GRB2: variants seen among roughly 807,000 people sequenced by gnomAD.
GRB2 encodes growth factor receptor-bound protein 2.
GRB2 carries 2 observed loss-of-function variants against 27.4 expected under a neutral mutation model. That is an observed-to-expected ratio of 0.07 (90% CI 0.03 to 0.23). The LOEUF (loss-of-function observed/expected upper bound fraction) is 0.23. Among genes scored for constraint, GRB2 ranks in the 10% least tolerant of loss-of-function variants. GRB2 has a pLI of 1.00. For missense variants in GRB2, 102 were observed against 282.4 expected (o/e 0.36, Z 4.58); for synonymous variants, 94 against 99.6 (o/e 0.94, Z 0.33).
intron 4 of GRB2, among the ~76,000 whole-genome samples, chr17:75,323,676 G>A (rs993344699): frequency 2.0e-5 from 3 of 152,188 alleles, no homozygotes; most frequent in Non-Finnish European, 2.9e-5. Flanking sequence ...AGCCGAGCAC[G>A]TGGCTGCCCC....
chr17:75,382,000 G>A (rs1419396930), intron 2 of GRB2, among the ~76,000 whole-genome samples: 1 of 151,924 alleles, frequency 6.6e-6, no homozygotes, highest in East Asian at 1.9e-4. Context: ...TGAGGCGGGT[G>A]GATCACAGGG....
chr17:75,328,614 C>T (rs1222808908), intron 3 of GRB2, among the ~76,000 whole-genome samples: 1 of 151,382 alleles, frequency 6.6e-6, no homozygotes, highest in Non-Finnish European at 1.5e-5. Flanking sequence ...TGCACTCCAG[C>T]CTGGGCAACA....
intron 2 of GRB2, among the ~76,000 whole-genome samples, chr17:75,360,247 T>G (rs983132130): frequency 1.4e-4 from 20 of 142,246 alleles, no homozygotes; most frequent in African/African-American, 2.4e-4. Context: ...ATAACTTAAA[T>G]CTCAAAAATA....
At chr17:75,404,000 C>T (rs2079081177) in intron 1 of GRB2, among the ~76,000 whole-genome samples, 1 of 151,652 alleles carries the variant, frequency 6.6e-6, no homozygotes, top group African/African-American at 2.4e-5. Flanking sequence ...GTGATCCCAG[C>T]TACTCGGGAG....
At chr17:75,343,206 C>T (rs553980106) in intron 2 of GRB2, among the ~76,000 whole-genome samples, 22 of 152,076 alleles carry the variant, frequency 1.4e-4, no homozygotes, top group African/African-American at 4.1e-4. Context: ...CAGGATGGAG[C>T]GCTTCCTGGC....
intron 2 of GRB2, among the ~76,000 whole-genome samples, chr17:75,358,633 G>C (rs1303226806): frequency 6.7e-6 from 1 of 149,310 alleles, no homozygotes; most frequent in East Asian, 2.0e-4. Flanking sequence ...GGGAGGCTGA[G>C]GCAGGCGGAT....
intron 2 of GRB2, among the ~76,000 whole-genome samples, chr17:75,387,089 A>C (rs532866740): frequency 2.6e-5 from 4 of 151,558 alleles, no homozygotes; most frequent in Non-Finnish European, 5.9e-5. Context: ...TGAACCCAGG[A>C]GGCGGAGCTT....
chr17:75,401,502 G>A (rs1371389026), intron 1 of GRB2, among the ~76,000 whole-genome samples: 1 of 149,188 alleles, frequency 6.7e-6, no homozygotes, highest in Non-Finnish European at 1.5e-5. Context: ...CTGCTAGCGA[G>A]ATCACAGAAC....
chr17:75,348,617 G>T (rs181828022), intron 2 of GRB2, among the ~76,000 whole-genome samples: 2 of 152,178 alleles, frequency 1.3e-5, no homozygotes, highest in African/African-American at 2.4e-5. Flanking sequence ...GTAAAAAAGT[G>T]AGATAAGGGA....
intron 2 of GRB2, among the ~76,000 whole-genome samples, chr17:75,384,541 A>G (rs1451314895): frequency 6.6e-6 from 1 of 152,062 alleles, no homozygotes; most frequent in South Asian, 2.1e-4. Context: ...GTGGTGGCAC[A>G]TGCCTATAAT....
intron 2 of GRB2, chr17:75,371,736 A>G (rs574315125): frequency 6.6e-6 from 1 of 151,904 alleles, no homozygotes; most frequent in South Asian, 2.1e-4. Context: ...ACATGACTGA[A>G]GACCAGAAAT....
intron 2 of GRB2, among the ~76,000 whole-genome samples, chr17:75,379,980 T>C (rs150630491): frequency 8.9e-4 from 136 of 152,280 alleles, no homozygotes; most frequent in Middle Eastern, 3.4e-3. Context: ...TCACATCCCA[T>C]GTGGGGAAAA....
chr17:75,322,539 C>T (rs1203727009), intron 4 of GRB2, among the ~76,000 whole-genome samples: 4 of 152,124 alleles, frequency 2.6e-5, no homozygotes, highest in African/African-American at 4.8e-5. Context: ...ACAATTCTCT[C>T]GTAACTGGGA....
At chr17:75,348,459 T>C (rs1186480654) in intron 2 of GRB2, among the ~76,000 whole-genome samples, 4 of 152,190 alleles carry the variant, frequency 2.6e-5, no homozygotes, top group African/African-American at 9.7e-5. Context: ...CCCCTTTGAA[T>C]TGCACTTTAG....
At chr17:75,352,418 C>T (rs1424576206) in intron 2 of GRB2, among the ~76,000 whole-genome samples, 1 of 152,198 alleles carries the variant, frequency 6.6e-6, no homozygotes, top group Admixed American at 6.5e-5. Context: ...AAACAACAGG[C>T]TTGTCAGACC....
chr17:75,381,215 A>G (rs1388663466), intron 2 of GRB2, among the ~76,000 whole-genome samples: 1 of 152,210 alleles, frequency 6.6e-6, no homozygotes, highest in Non-Finnish European at 1.5e-5. Context: ...TAAATTCACT[A>G]CAATTACAGG....
intron 1 of GRB2, among the ~76,000 whole-genome samples, chr17:75,401,571 T>C (rs1030279240): frequency 6.6e-6 from 1 of 152,144 alleles, no homozygotes; most frequent in African/African-American, 2.4e-5. Context: ...ACAATAGGCA[T>C]GTGTTACTTT....
chr17:75,393,839 G>A, intron 1 of GRB2, 74 bp from the exon 2 acceptor site: 1 of 549,732 alleles, frequency 1.8e-6, no homozygotes, highest in Non-Finnish European at 3.2e-6. Context: ...TCGGCCTGCT[G>A]TCCCAGCCCC....
intron 2 of GRB2, among the ~76,000 whole-genome samples, chr17:75,366,481 G>A (rs2078820177): frequency 1.5e-5 from 2 of 134,536 alleles, no homozygotes; most frequent in Admixed American, 8.0e-5. Flanking sequence ...CTTGAACACA[G>A]GAGTTTGAGA....
Sources: allele counts gnomAD v4.1 joint callset (sites outside exome capture counted in the v4.1 genomes callset), GRCh38; gene constraint gnomAD v4.1.1; transcripts MANE v1.5; gene names NCBI Gene and HGNC (gene_info 2026-07-23, HGNC 2026-07-21).